The following CDH23 variants were observed in gnomAD, a reference collection of about 807,000 sequenced individuals.
The protein encoded by CDH23 is cadherin-23.
A neutral mutation model predicts 317.1 loss-of-function variants in CDH23; 189 were observed. That is an observed-to-expected ratio of 0.60 (90% CI 0.53 to 0.67). The LOEUF is 0.67. Ranked by LOEUF, CDH23 falls within the 30% of genes least tolerant of loss-of-function variation. The probability of loss-of-function intolerance (pLI) is 0.00; values close to 1 mark genes in which losing one functional copy is unlikely to be tolerated. For missense variants in CDH23, 4,401 were observed against 4,592.4 expected (o/e 0.96, Z 1.20); for synonymous variants, 1,839 against 1,876.8 (o/e 0.98, Z 0.52).
At chr10:71,531,913 A>C (rs1178717081) in intron 6 of CDH23, among the ~76,000 whole-genome samples, 1 of 152,132 alleles carries the variant, frequency 6.6e-6, no homozygotes, top group African/African-American at 2.4e-5. Flanking sequence ...CATTCTGCTC[A>C]CAAATTTGAT....
At chr10:71,738,730 C>T (rs1839649314) in intron 35 of CDH23, 83 bp downstream of exon 35, 2 of 1,469,698 alleles carry the variant, frequency 1.4e-6, no homozygotes, top group Non-Finnish European at 9.2e-7. Flanking sequence ...CCTTCTGAGC[C>T]ACCCCCATCA....
intron 9 of CDH23, among the ~76,000 whole-genome samples, chr10:71,597,922 G>A (rs4747170): frequency 0.1 from 15,816 of 152,034 alleles, 1,437 homozygotes; most frequent in East Asian, 0.49. Flanking sequence ...CCTCAAAGGC[G>A]GGGTAGGCCC....
intron 14 of CDH23, among the ~76,000 whole-genome samples, chr10:71,662,162 G>A (rs879698270): frequency 5.9e-5 from 9 of 152,010 alleles, no homozygotes; most frequent in Admixed American, 5.9e-4. Context: ...TGACGGAGAT[G>A]TCAGGCGAGC....
chr10:71,738,701 G>A, intron 35 of CDH23, 54 bp downstream of exon 35: 2 of 1,584,634 alleles, frequency 1.3e-6, no homozygotes, highest in Non-Finnish European at 1.7e-6. Flanking sequence ...GGCTCCCACA[G>A]CTCTCACAGC....
At chr10:71,790,480 T>C (rs1453329875) in intron 46 of CDH23, 67 bp downstream of exon 46, 8 of 1,574,332 alleles carry the variant, frequency 5.1e-6, no homozygotes, top group Non-Finnish European at 6.9e-6. Context: ...CACTGCTGGA[T>C]TGAGGGCCTC....
chr10:71,628,587 C>T (rs1021335153), intron 11 of CDH23, among the ~76,000 whole-genome samples: 1 of 152,178 alleles, frequency 6.6e-6, no homozygotes, highest in Non-Finnish European at 1.5e-5. Flanking sequence ...CAACCTCCAC[C>T]TCCCAGTTCA....
At chr10:71,595,524 C>A (rs1859781912) in intron 9 of CDH23, among the ~76,000 whole-genome samples, 1 of 152,204 alleles carries the variant, frequency 6.6e-6, no homozygotes, top group South Asian at 2.1e-4. Flanking sequence ...GGCATGGCCA[C>A]CTGGTTGGCC....
At position 71,811,404 on chromosome 10, in the gene CDH23, T is replaced by C; in HGVS notation, c.9167T>C (p.Val3056Ala). 6.2e-7 allele frequency: 1 copy of C among 1,613,966 alleles called. No homozygotes were observed. Among genetic ancestry groups the C allele is most frequent in the Non-Finnish European group, 8.5e-7 (1 of 1,179,870 alleles). ...CTGGACGTGCAGCCTGCCATCTCTGTCCGGCTGCCGGATGACATGTCTGCC... is the reference window on the plus strand; with the variant it reads ...CTGGACGTGCAGCCTGCCATCTCTGCCCGGCTGCCGGATGACATGTCTGCC... ...NVLDVQPAIS[V>A]RLPDDMSALQ... The change falls in exon 63 of 70, where the codon GTC becomes GCC. Residue 3056 changes from valine (V) to alanine (A), a missense_variant. Physicochemically the swap from Val to Ala is moderately conservative, Grantham distance 64. Around this residue, in one of 3 missense-constraint regions of CDH23, gnomAD observed 1,144 missense variants for 1,138.2 expected, o/e 1.01. Coordinates refer to ENST00000224721, the MANE Select transcript of CDH23 (RefSeq NM_022124.6).
chr10:71,427,366 T>C lies in CDH23; in HGVS notation c.-5-12461T>C, dbSNP rs372008256. Among the ~76,000 whole-genome samples, 50 of 152,216 alleles carry C rather than the reference T, an allele frequency of 3.3e-4. 1 individual carries two copies. In the South Asian group the frequency reaches 0.01, roughly 31 times the overall value. ...ACAGATCTACTTTCTGCCTCTAAGATTTACCTCTTCTGGACATTTCACATA... is the reference window on the plus strand; with the variant it reads ...ACAGATCTACTTTCTGCCTCTAAGACTTACCTCTTCTGGACATTTCACATA... On this transcript the variant is annotated intron_variant, in intron 1 of 69. Transcript: ENST00000224721.
chr10:71,647,021 G>C, intron 14 of CDH23: 3 of 985,252 alleles, frequency 3.0e-6, no homozygotes, highest in Non-Finnish European at 3.6e-6. Flanking sequence ...AGGGTACCGG[G>C]GCACCCCCAG....
In CDH23 at chr10:71,806,060, C is replaced by G. The variant is rs1841709646; in HGVS notation, c.8064+63C>G. ...GCGGGGCTTTCTTCTGGGGGCGGGTCTTGCACCTCGCCTCCTGGAAAGTCC... is the reference window on the plus strand; with the variant it reads ...GCGGGGCTTTCTTCTGGGGGCGGGTGTTGCACCTCGCCTCCTGGAAAGTCC... On this transcript the variant is annotated intron_variant, in intron 56 of 69. Coordinates refer to ENST00000224721, the MANE Select transcript of CDH23 (RefSeq NM_022124.6). The G allele has an allele frequency of 1.2e-5, 18 of 1,535,688 alleles. No homozygotes were observed. The East Asian group carries it at 4.4e-4, about 37-fold the overall frequency.
intron 27 of CDH23, chr10:71,712,273 T>A (rs1170407029): frequency 5.6e-6 from 1 of 178,568 alleles, no homozygotes; most frequent in African/African-American, 2.4e-5. Context: ...CGTAATTACA[T>A]TTTCAAAGGC....
chr10:71,661,627 G>A (rs1453785839), intron 14 of CDH23, among the ~76,000 whole-genome samples: 3 of 152,072 alleles, frequency 2.0e-5, no homozygotes, highest in Non-Finnish European at 2.9e-5. Flanking sequence ...ACTGGGGTGG[G>A]GTGGGCAGAG....
chr10:71,417,978 G>A (rs554990256), intron 1 of CDH23, among the ~76,000 whole-genome samples: 1 of 152,274 alleles, frequency 6.6e-6, no homozygotes, highest in South Asian at 2.1e-4. Context: ...CTAATTCACT[G>A]TTAAACCCAT....
intron 6 of CDH23, chr10:71,511,941 G>T (rs776379252): frequency 6.6e-6 from 1 of 152,574 alleles, no homozygotes; most frequent in African/African-American, 2.4e-5. Flanking sequence ...GGTGTCCCTC[G>T]GGCCTGCCCT....
chr10:71,726,947 C>A (rs1866839300), intron 30 of CDH23, among the ~76,000 whole-genome samples: 1 of 152,194 alleles, frequency 6.6e-6, no homozygotes, highest in Non-Finnish European at 1.5e-5. Context: ...TGCAGCATCC[C>A]AGGGTACAGT....
intron 39 of CDH23, 66 bp downstream of exon 39, chr10:71,777,967 G>C (rs1257035666): frequency 6.4e-7 from 1 of 1,559,232 alleles, no homozygotes; most frequent in Non-Finnish European, 8.8e-7. Flanking sequence ...AAGGAGTTCA[G>C]TGACACTGGA....
intron 46 of CDH23, 79 bp from the exon 47 acceptor site, chr10:71,791,053 C>A: frequency 8.9e-7 from 1 of 1,120,376 alleles, no homozygotes; most frequent in Non-Finnish European, 1.3e-6. Flanking sequence ...TCTCTGCTCT[C>A]TCCCTGTTGG....
At position 71,730,447 on chromosome 10, in the gene CDH23, AC is replaced by A. The variant is rs1251723977; in HGVS notation, c.3580-18del. 1.9e-6 allele frequency: 3 copies of A among 1,611,668 alleles called. No homozygotes were observed. The South Asian group carries it at 3.3e-5, about 18-fold the overall frequency. ...AGCCTCCACCCCACCCTGACCTTGC[AC>A]CCCTGGCCCGGCTCCCACAGGTGAT... On this transcript the variant is annotated intron_variant, in intron 30 of 69. Coordinates refer to ENST00000224721, the MANE Select transcript of CDH23 (RefSeq NM_022124.6).
Sources: gnomAD v4.1 joint callset for allele counts (sites outside exome capture counted in the v4.1 genomes callset) on GRCh38, gnomAD v4.1.1 for gene constraint, gnomAD v4.1.1 regional missense constraint, MANE v1.5 for transcripts, NCBI Gene and HGNC (gene_info 2026-07-23, HGNC 2026-07-21) for gene names.